The following FGD6 variants were observed in gnomAD, a reference collection of about 807,000 sequenced individuals.
FGD6 encodes the protein FYVE, RhoGEF and PH domain-containing protein 6.
A neutral mutation model predicts 149.4 loss-of-function variants in FGD6; 90 were observed. That is an observed-to-expected ratio of 0.60 (90% CI 0.51 to 0.72). The LOEUF is 0.72. FGD6 is among the 30% of genes least tolerant of loss of function. FGD6 has a pLI of 0.00. For missense variants in FGD6, 1,437 were observed against 1,684.8 expected (o/e 0.85, Z 2.57); for synonymous variants, 527 against 584.0 (o/e 0.90, Z 1.41).
intron 3 of FGD6, among the ~76,000 whole-genome samples, chr12:95,157,269 A>G (rs1880498929): frequency 6.6e-6 from 1 of 152,204 alleles, no homozygotes. Context: ...ACCCTTCCAT[A>G]AGAATATAAA....
chr12:95,212,413 G>A (rs573039082), intron 1 of FGD6, among the ~76,000 whole-genome samples: 9 of 152,108 alleles, frequency 5.9e-5, no homozygotes, highest in East Asian at 5.8e-4. Context: ...ATGCTGCATC[G>A]GTACAGATCT....
At chr12:95,164,061 C>G (rs1386928067) in intron 3 of FGD6, among the ~76,000 whole-genome samples, 2 of 152,314 alleles carry the variant, frequency 1.3e-5, no homozygotes, top group East Asian at 3.9e-4. Context: ...TGTTAAATAA[C>G]AGCGTCTCCC....
chr12:95,182,819 T>A (rs754734087), intron 2 of FGD6, among the ~76,000 whole-genome samples: 3 of 151,942 alleles, frequency 2.0e-5, no homozygotes, highest in Non-Finnish European at 4.4e-5. Context: ...ACGCCTGTAA[T>A]CCCAACTACT....
Position 95,122,474 on chromosome 12 carries a change from C to T in FGD6, c.3083-8773G>A, listed in dbSNP as rs190221036. ...CAGCCTAGCCAACATGGTGAAACCC[C>T]GTCTCTACTAAAAATACAAAAATTA... is the stretch of plus-strand genomic sequence containing the variant. On this transcript the variant is annotated intron_variant, in intron 8 of 20. Transcript: ENST00000343958. Among the ~76,000 whole-genome samples the T allele has an allele frequency of 5.0e-3, 752 of 150,952 alleles. 2 individuals are homozygous for T. Among genetic ancestry groups the T allele is most frequent in the African/African-American group, 0.018 (722 of 41,106 alleles).
intron 1 of FGD6, among the ~76,000 whole-genome samples, chr12:95,211,779 C>A (rs901851400): frequency 1.3e-5 from 2 of 152,150 alleles, no homozygotes; most frequent in Non-Finnish European, 2.9e-5. Flanking sequence ...ACCTCGTGAT[C>A]CACCCACCTC....
At chr12:95,124,183 A>G (rs1183708195) in intron 8 of FGD6, among the ~76,000 whole-genome samples, 1 of 151,966 alleles carries the variant, frequency 6.6e-6, no homozygotes, top group Non-Finnish European at 1.5e-5. Flanking sequence ...AAGAGCTGGG[A>G]TTACAGGCGT....
In FGD6 at chr12:95,211,058, T is replaced by A. The variant is rs776783253; in HGVS notation, c.226A>T (p.Met76Leu). ...TGTTTATGCCCTTCCAGGTTCAACA[T>A]GATTTTCCTTGATGGCGACTGCCCA... is the stretch of plus-strand genomic sequence containing the variant. Reference protein sequence around the residue: ...EIGQSPSRKIMLNLEGHKQEL... With the variant: ...EIGQSPSRKILLNLEGHKQEL... Residue 76 changes from methionine to leucine, a missense_variant, in exon 2 of 21, where the codon ATG becomes TTG. By Grantham distance (15) the Met-to-Leu change is conservative. Around this residue, in one of 2 missense-constraint regions of FGD6, gnomAD observed 1,055 missense variants for 1,146.0 expected, o/e 0.92. Coordinates refer to ENST00000343958, the MANE Select transcript of FGD6 (RefSeq NM_018351.4). 1 of 1,614,036 alleles carries A rather than the reference T, an allele frequency of 6.2e-7. No individual in the cohort carries two copies. Among genetic ancestry groups the A allele is most frequent in the African/African-American group, 1.3e-5 (1 of 74,932 alleles).
At chr12:95,185,667 C>A (rs184833864) in intron 2 of FGD6, among the ~76,000 whole-genome samples, 5 of 152,130 alleles carry the variant, frequency 3.3e-5, no homozygotes, top group Admixed American at 6.5e-5. Flanking sequence ...TCGAGACCAG[C>A]CTGGTCAACA....
At chr12:95,212,430 A>G (rs2136305570) in intron 1 of FGD6, among the ~76,000 whole-genome samples, 1 of 152,344 alleles carries the variant, frequency 6.6e-6, no homozygotes, top group South Asian at 2.1e-4. Flanking sequence ...ATCTGCTCCT[A>G]TACTATAGGA....
chr12:95,174,942 A>AAG (rs1881091972), intron 2 of FGD6, among the ~76,000 whole-genome samples: 4 of 151,368 alleles, frequency 2.6e-5, no homozygotes, highest in Admixed American at 2.6e-4. Context: ...AAAAAAAAAA[A>AAG]AAAAAGAAAT....
chr12:95,200,666 C>T (rs1298517956), intron 2 of FGD6, among the ~76,000 whole-genome samples: 2 of 152,114 alleles, frequency 1.3e-5, no homozygotes, highest in African/African-American at 4.8e-5. Context: ...CCCAGAAATA[C>T]AATCATCATA....
chr12:95,125,805 G>T, intron 8 of FGD6: 1 of 832,220 alleles, frequency 1.2e-6, no homozygotes, highest in Non-Finnish European at 2.1e-6. Context: ...AACCTACGTC[G>T]CCTTTGGACC....
intron 18 of FGD6, among the ~76,000 whole-genome samples, chr12:95,086,599 G>T (rs1234193743): frequency 6.9e-6 from 1 of 144,372 alleles, no homozygotes; most frequent in Non-Finnish European, 1.5e-5. Flanking sequence ...GAGTGCAGTG[G>T]CCCGATCTCA....
chr12:95,113,318 C>T lies in FGD6; in HGVS notation c.3133+333G>A, dbSNP rs183275771. On this transcript the variant is annotated intron_variant, in intron 9 of 20. Transcript: ENST00000343958. Reference sequence around the variant, plus strand: ...CGCTATCTCGGCTCACTGCAACCTCCGCCTTCCGGGTTCAAGCAATTCTCC... The same window carrying T: ...CGCTATCTCGGCTCACTGCAACCTCTGCCTTCCGGGTTCAAGCAATTCTCC... 2.3e-3 allele frequency among the ~76,000 whole-genome samples: 341 copies of T among 151,286 alleles called. 1 individual carries two copies. The highest frequency in any genetic ancestry group is 4.4e-3 in the South Asian group (21 of 4,790).
At chr12:95,144,515 C>T (rs934832800) in intron 5 of FGD6, among the ~76,000 whole-genome samples, 5 of 151,672 alleles carry the variant, frequency 3.3e-5, no homozygotes, top group Non-Finnish European at 7.4e-5. Flanking sequence ...GCCTCAGCCT[C>T]TTGAGTAGCT....
intron 8 of FGD6, among the ~76,000 whole-genome samples, chr12:95,121,835 T>C (rs1879200519): frequency 6.6e-6 from 1 of 152,072 alleles, no homozygotes; most frequent in African/African-American, 2.4e-5. Context: ...TTTGTACTTT[T>C]AGTAGAAATG....
At chr12:95,106,424 C>A (rs560532326) in intron 13 of FGD6, among the ~76,000 whole-genome samples, 1 of 136,784 alleles carries the variant, frequency 7.3e-6, no homozygotes, top group African/African-American at 2.7e-5. Flanking sequence ...GTGTGCGCCA[C>A]CACGCCTGGC....
Position 95,137,677 on chromosome 12 carries a change from T to C in FGD6, c.2839A>G (p.Thr947Ala). Residue 947 changes from threonine to alanine, a missense_variant and splice_region_variant, in exon 7 of 21, where the codon ACT (threonine) becomes GCT (alanine). By Grantham distance (58) the Thr-to-Ala change is moderately conservative. Coordinates refer to ENST00000343958, the MANE Select transcript of FGD6 (RefSeq NM_018351.4). ...ATATCAGCAATTCTTTGTTGTTCAG[T>C]CCTATGGATAGAGAAGAGATACACA... The part of the protein sequence containing the change: ...KELEERMLHW[T>A]EQQRIADIFV... The C allele has an allele frequency of 1.3e-6, 2 of 1,577,294 alleles. No homozygotes were observed. Among genetic ancestry groups the C allele is most frequent in the East Asian group, 2.3e-5 (1 of 44,262 alleles).
chr12:95,103,816 G>C (rs933564673), intron 14 of FGD6, among the ~76,000 whole-genome samples: 3 of 152,138 alleles, frequency 2.0e-5, no homozygotes, highest in Admixed American at 1.3e-4. Context: ...GATTACAGGC[G>C]TAAGCTACTG....
Sources: allele counts gnomAD v4.1 joint callset (sites outside exome capture counted in the v4.1 genomes callset), GRCh38; gene constraint gnomAD v4.1.1; regional missense constraint gnomAD v4.1.1; transcripts MANE v1.5; gene names NCBI Gene and HGNC (gene_info 2026-07-23, HGNC 2026-07-21).